MAMLD1: variants seen among roughly 807,000 people sequenced by gnomAD.
MAMLD1 encodes the protein mastermind like domain containing 1.
Under a neutral mutation model 45.0 loss-of-function variants are expected in MAMLD1, and 14 were observed. That is an observed-to-expected ratio of 0.31 (90% CI 0.21 to 0.49). The LOEUF (loss-of-function observed/expected upper bound fraction) is 0.49. MAMLD1 is among the 20% of genes least tolerant of loss of function. The pLI is 0.99. For synonymous variants in MAMLD1, 254 were observed against 247.8 expected (o/e 1.02, Z -0.24); for missense variants, 543 against 603.6 (o/e 0.90, Z 1.05).
rs1223279581 is a variant in MAMLD1, at chrX:150,466,833, T to G, written c.172-2912T>G. On this transcript the variant is annotated intron_variant, in intron 3 of 7. Transcript: ENST00000370401. ...TAGTGTCTGGTGGTCATGCCCTGCCTCCTCCATCCCTGCACCTTACTCCCA... is the reference window on the plus strand; with the variant it reads ...TAGTGTCTGGTGGTCATGCCCTGCCGCCTCCATCCCTGCACCTTACTCCCA... 3.6e-5 allele frequency among the ~76,000 whole-genome samples: 4 copies of G among 111,611 alleles called. No homozygotes were observed. The East Asian group carries it at 8.4e-4, about 23-fold the overall frequency.
chrX:150,495,960 T>C (rs1171523207), intron 5 of MAMLD1, among the ~76,000 whole-genome samples: 1 of 112,276 alleles, frequency 8.9e-6, no homozygotes, highest in African/African-American at 3.2e-5. Flanking sequence ...TTATCTCCTC[T>C]CCTATTCTCT....
intron 1 of MAMLD1, among the ~76,000 whole-genome samples, chrX:150,415,376 A>G (rs2034223379): frequency 8.9e-6 from 1 of 112,805 alleles, no homozygotes; most frequent in Admixed American, 9.3e-5. Context: ...CATTAAAACA[A>G]TACCTTTCAG....
chrX:150,371,315 T>C (rs5925535), intron 1 of MAMLD1, among the ~76,000 whole-genome samples: 52,383 of 109,765 alleles, frequency 0.48, 9,177 homozygotes, highest in Middle Eastern at 0.57. Context: ...TTCCCTGAGG[T>C]TCAGAGAAGG....
rs1221923468 is a variant in MAMLD1 at position 150,513,051 on chromosome X, C to T, written c.*1092C>T. ...ACAGCCCAGAATTCTGGGCAAGTCA[C>T]CCAGGATGCTGGGGCACTTTAAATC... On this transcript the variant is annotated 3_prime_UTR_variant, in exon 8 of 8. Coordinates refer to ENST00000370401, the MANE Select transcript of MAMLD1 (RefSeq NM_005491.5). The T allele has an allele frequency of 1.9e-5, 22 of 1,149,982 alleles. No individual in the cohort carries two copies. The East Asian group carries it at 6.9e-4, about 36-fold the overall frequency. 94.8% of individuals were successfully genotyped at this position (1,149,982 alleles called of 1,213,427 possible).
intron 2 of MAMLD1, among the ~76,000 whole-genome samples, chrX:150,458,924 G>T (rs1483875641): frequency 5.4e-5 from 6 of 111,884 alleles, no homozygotes; most frequent in African/African-American, 2.0e-4. Flanking sequence ...CATAAATTTG[G>T]GCAATCTAAT....
At chrX:150,478,427 C>G (rs1452878664) in intron 5 of MAMLD1, among the ~76,000 whole-genome samples, 1 of 112,588 alleles carries the variant, frequency 8.9e-6, no homozygotes, top group African/African-American at 3.2e-5. Context: ...CTTGGACTTA[C>G]AGGTCTTCTC....
At chrX:150,508,354 C>T (rs950111173) in intron 6 of MAMLD1, among the ~76,000 whole-genome samples, 2 of 108,480 alleles carry the variant, frequency 1.8e-5, no homozygotes, top group Admixed American at 1.9e-4. Context: ...TCCCACCCCC[C>T]ATCCCCACCC....
intron 1 of MAMLD1, among the ~76,000 whole-genome samples, chrX:150,367,962 A>T (rs1452971835): frequency 4.5e-5 from 5 of 110,783 alleles, no homozygotes; most frequent in African/African-American, 9.9e-5. Flanking sequence ...TCTATCATTG[A>T]TGGACATTTG....
At chrX:150,394,156 C>CTTTTTTTTTTTTTT (rs2033320430) in intron 1 of MAMLD1, among the ~76,000 whole-genome samples, 1 of 15,068 alleles carries the variant, frequency 6.6e-5, no homozygotes, top group Non-Finnish European at 1.2e-4. Flanking sequence ...TTTTTTTTTG[C>CTTTTTTTTTTTTTT]TTATCAATGT....
intron 1 of MAMLD1, among the ~76,000 whole-genome samples, chrX:150,437,699 T>C (rs2035167069): frequency 8.9e-6 from 1 of 112,206 alleles, no homozygotes; most frequent in African/African-American, 3.2e-5. Flanking sequence ...ATAGATGCTA[T>C]GTACTCTTCA....
At chrX:150,474,863 T>C (rs782223275) in intron 5 of MAMLD1, among the ~76,000 whole-genome samples, 1 of 112,066 alleles carries the variant, frequency 8.9e-6, no homozygotes, top group Non-Finnish European at 1.9e-5. Context: ...ACAGTCCTTC[T>C]GTTTCTTCTT....
rs67617988 is a variant in MAMLD1 at position 150,468,978 on chromosome X, AGT to A, written c.172-740_172-739del. On this transcript the variant is annotated intron_variant, in intron 3 of 7. Transcript: ENST00000370401. Reference sequence around the variant, plus strand: ...TTGTGTACACATAGCAATGTGTGAGAGTGTGTGTGTGTGTGTGTGTGTGTGTG... The same window carrying A: ...TTGTGTACACATAGCAATGTGTGAGAGTGTGTGTGTGTGTGTGTGTGTGTG... Among the ~76,000 whole-genome samples, 360 of 100,708 alleles carry A rather than the reference AGT, an allele frequency of 3.6e-3. 2 individuals carry two copies. Among genetic ancestry groups the A allele is most frequent in the African/African-American group, 6.8e-3 (187 of 27,569 alleles). 87.5% of individuals were successfully genotyped at this position (100,708 alleles called of 115,157 possible).
chrX:150,465,813 G>A (rs1190312985), intron 3 of MAMLD1, among the ~76,000 whole-genome samples: 2 of 112,946 alleles, frequency 1.8e-5, no homozygotes, highest in Non-Finnish European at 3.7e-5. Context: ...ATACCCTGCT[G>A]TCATCAAGAC....
intron 5 of MAMLD1, among the ~76,000 whole-genome samples, chrX:150,476,669 C>T (rs1557406877): frequency 8.9e-6 from 1 of 112,534 alleles, no homozygotes. Flanking sequence ...AAGAGGGCAG[C>T]TGTGGAGAAA....
intron 1 of MAMLD1, among the ~76,000 whole-genome samples, chrX:150,376,012 C>T (rs1245496124): frequency 1.8e-5 from 2 of 111,408 alleles, no homozygotes; most frequent in East Asian, 2.8e-4. Flanking sequence ...TGAGGGCCAC[C>T]GACATGTGGT....
chrX:150,441,084 A>G (rs1008436268), intron 1 of MAMLD1, among the ~76,000 whole-genome samples: 7 of 106,172 alleles, frequency 6.6e-5, no homozygotes, highest in Non-Finnish European at 3.9e-5. Context: ...AAATATTTGT[A>G]CATCTTCATG....
In MAMLD1 at chrX:150,376,094, T is replaced by G. The variant is rs2032305056; in HGVS notation, c.-64+12564T>G. ...TATTTCCTCAGACTGGGCATCATTT[T>G]CTCCATCTGTACAATGAAGGAATGG... On this transcript the variant is annotated intron_variant, in intron 1 of 7. Coordinates refer to ENST00000370401, the MANE Select transcript of MAMLD1 (RefSeq NM_005491.5). Among the ~76,000 whole-genome samples the G allele has an allele frequency of 2.7e-5, 3 of 111,780 alleles. 1 individual carries two copies. Among genetic ancestry groups the G allele is most frequent in the Admixed American group, 9.5e-5 (1 of 10,511 alleles).
At chrX:150,511,251 A>C (rs186560115) in intron 7 of MAMLD1, among the ~76,000 whole-genome samples, 1 of 111,047 alleles carries the variant, frequency 9.0e-6, no homozygotes, top group East Asian at 2.8e-4. Flanking sequence ...GTGGACTCTC[A>C]TGACAATGAG....
chrX:150,479,402 G>C (rs1432537750), intron 5 of MAMLD1, among the ~76,000 whole-genome samples: 1 of 111,899 alleles, frequency 8.9e-6, no homozygotes, highest in Non-Finnish European at 1.9e-5. Flanking sequence ...TTAGTAACTG[G>C]CTTATGAAAG....
Sources: gnomAD v4.1 joint callset for allele counts (sites outside exome capture counted in the v4.1 genomes callset) on GRCh38, gnomAD v4.1.1 for gene constraint, MANE v1.5 for transcripts, NCBI Gene and HGNC (gene_info 2026-07-23, HGNC 2026-07-21) for gene names.